The following INSYN2B variants were observed in gnomAD, a reference collection of about 807,000 sequenced individuals.
INSYN2B encodes protein INSYN2B.
INSYN2B carries 16 observed loss-of-function variants against 41.2 expected under a neutral mutation model. That is an observed-to-expected ratio of 0.39 (90% confidence interval 0.26 to 0.59). The LOEUF (loss-of-function observed/expected upper bound fraction) is 0.59, where lower values mean the gene tolerates loss of function less well. Among genes scored for constraint, INSYN2B ranks in the 20% least tolerant of loss-of-function variants. The pLI, the probability that INSYN2B is intolerant of heterozygous loss-of-function variation, is 0.57. For synonymous variants in INSYN2B, 245 were observed against 244.4 expected, an observed-to-expected ratio of 1.00 and a Z score of -0.02; for missense variants, 608 against 646.4, an observed-to-expected ratio of 0.94 and a Z score of 0.64.
At chr5:169,962,799 G>A (rs1777144530) in intron 1 of INSYN2B, among the ~76,000 whole-genome samples, 1 of 152,204 alleles carries the variant, frequency 6.6e-6, no homozygotes, top group Non-Finnish European at 1.5e-5. Context: ...GATGGCAAGT[G>A]TCAAGGTAGA....
intron 1 of INSYN2B, among the ~76,000 whole-genome samples, chr5:169,940,591 G>A (rs919782330): frequency 1.3e-5 from 2 of 152,238 alleles, no homozygotes; most frequent in East Asian, 3.8e-4. Context: ...CTCTGAGGGT[G>A]ATGGGAAACA....
chr5:169,911,030 C>T (rs1248131491), intron 1 of INSYN2B, among the ~76,000 whole-genome samples: 1 of 152,174 alleles, frequency 6.6e-6, no homozygotes, highest in Non-Finnish European at 1.5e-5. Context: ...AGCATTTCTA[C>T]CTTTGCTGAT....
chr5:169,932,241 T>C (rs985853524), intron 1 of INSYN2B, among the ~76,000 whole-genome samples: 1 of 152,154 alleles, frequency 6.6e-6, no homozygotes, highest in Non-Finnish European at 1.5e-5. Flanking sequence ...GTCCCTGAGT[T>C]TACAGAGCCC....
rs1468724987 is a variant in INSYN2B, at chr5:169,978,380, T to C, written c.-919+1897A>G. On this transcript the variant is annotated intron_variant, in intron 1 of 3. Coordinates refer to ENST00000377365, the MANE Select transcript of INSYN2B (RefSeq NM_001129891.3). The stretch of plus-strand genomic sequence containing the variant: ...CAGGGGTCCTGGCTCTGTGTATGTG[T>C]GTGTGTGTGTGTGGGGGGGGGGGGG... Among the ~76,000 whole-genome samples, 22 of 18,878 alleles carry C rather than the reference T, an allele frequency of 1.2e-3. No homozygotes were observed. The South Asian group carries it at 0.013, about 11-fold the overall frequency. 12.4% of individuals were successfully genotyped at this position (18,878 alleles called of 152,430 possible). A position where few individuals can be genotyped will look rare whatever the true frequency, so the allele number is the denominator to read the frequency against.
chr5:169,931,191 G>A (rs1462109847), intron 1 of INSYN2B, among the ~76,000 whole-genome samples: 1 of 152,206 alleles, frequency 6.6e-6, no homozygotes, highest in Admixed American at 6.5e-5. Flanking sequence ...CCTTCCTACA[G>A]AGCCCAGCTC....
At chr5:169,914,565 T>C (rs1049783013) in intron 1 of INSYN2B, among the ~76,000 whole-genome samples, 9 of 152,356 alleles carry the variant, frequency 5.9e-5, no homozygotes, top group South Asian at 2.1e-4. Context: ...GAAATGGTTA[T>C]ATCTAATCTG....
intron 1 of INSYN2B, among the ~76,000 whole-genome samples, chr5:169,963,543 T>C (rs1670889019): frequency 6.6e-6 from 1 of 152,124 alleles, no homozygotes. Flanking sequence ...CTTTGCTGGT[T>C]TGGTAGTGCT....
At chr5:169,898,869 G>A (rs1205149129) in intron 1 of INSYN2B, among the ~76,000 whole-genome samples, 1 of 152,198 alleles carries the variant, frequency 6.6e-6, no homozygotes, top group African/African-American at 2.4e-5. Flanking sequence ...GTTGTGTAAA[G>A]CAGCAAGTCA....
intron 1 of INSYN2B, among the ~76,000 whole-genome samples, chr5:169,911,692 C>T (rs1774607949): frequency 6.6e-6 from 1 of 152,170 alleles, no homozygotes; most frequent in African/African-American, 2.4e-5. Context: ...CTATAATTAG[C>T]CAAGAAGTTG....
intron 1 of INSYN2B, among the ~76,000 whole-genome samples, chr5:169,965,585 G>A (rs189415877): frequency 3.5e-4 from 53 of 152,278 alleles, no homozygotes; most frequent in African/African-American, 1.1e-3. Flanking sequence ...CCCAGGGAGC[G>A]TTAAACATCC....
chr5:169,932,261 G>A (rs1221602482), intron 1 of INSYN2B, among the ~76,000 whole-genome samples: 1 of 152,190 alleles, frequency 6.6e-6, no homozygotes, highest in Non-Finnish European at 1.5e-5. Flanking sequence ...CTGTTATGAG[G>A]AAGGAGCACT....
intron 1 of INSYN2B, among the ~76,000 whole-genome samples, chr5:169,953,584 C>T (rs1167516495): frequency 6.6e-6 from 1 of 152,094 alleles, no homozygotes; most frequent in Non-Finnish European, 1.5e-5. Context: ...TTATTAATAG[C>T]ATTAGACGAG....
intron 1 of INSYN2B, among the ~76,000 whole-genome samples, chr5:169,946,721 G>C (rs1776465580): frequency 6.6e-6 from 1 of 152,168 alleles, no homozygotes. Context: ...AAACCTAATA[G>C]AAAAATAATT....
chr5:169,924,092 G>T (rs1039244022), intron 1 of INSYN2B, among the ~76,000 whole-genome samples: 2 of 152,124 alleles, frequency 1.3e-5, no homozygotes, highest in Non-Finnish European at 2.9e-5. Context: ...TCCCTGCCCT[G>T]CTGTGCCCCC....
At chr5:169,956,702 C>T (rs1776881465) in intron 1 of INSYN2B, among the ~76,000 whole-genome samples, 1 of 152,166 alleles carries the variant, frequency 6.6e-6, no homozygotes, top group Non-Finnish European at 1.5e-5. Flanking sequence ...TTAAATTCAC[C>T]TGTTTATAAA....
At chr5:169,878,562 T>C (rs1772458251) in intron 3 of INSYN2B, among the ~76,000 whole-genome samples, 1 of 152,240 alleles carries the variant, frequency 6.6e-6, no homozygotes, top group African/African-American at 2.4e-5. Flanking sequence ...AGAAATGTGA[T>C]AAGCCAGCAT....
At chr5:169,971,188 C>CA (rs34023676) in intron 1 of INSYN2B, among the ~76,000 whole-genome samples, 4,244 of 143,848 alleles carry the variant, frequency 0.03, 82 homozygotes, top group African/African-American at 0.052. Context: ...GAAAGAAAGG[C>CA]AAAAAAAAAA....
chr5:169,883,489 T>C lies in INSYN2B; in HGVS notation c.410A>G (p.Asn137Ser), dbSNP rs1772788507. The C allele has an allele frequency of 6.4e-7, 1 of 1,551,618 alleles. No homozygotes were observed. Among genetic ancestry groups the C allele is most frequent in the East Asian group, 2.4e-5 (1 of 40,916 alleles). The change falls in exon 2 of 4, where the codon AAC becomes AGC. Residue 137 changes from asparagine (N) to serine (S), a missense_variant. Asn to Ser is a conservative substitution (Grantham distance 46). Coordinates refer to ENST00000377365, the MANE Select transcript of INSYN2B (RefSeq NM_001129891.3). Reference sequence around the variant, plus strand: ...AGACACAATGTCCTGTTCAGAGAGGTTACCGTTGACCTGGATGGCACTTTG... The same window carrying C: ...AGACACAATGTCCTGTTCAGAGAGGCTACCGTTGACCTGGATGGCACTTTG... ...ASQSAIQVNG[N>S]LSEQDIVSSD... is the part of the protein sequence containing the mutation.
rs1467956730 is a variant in INSYN2B, at chr5:169,885,020, C to T, written c.-918-204G>A. 2.0e-5 allele frequency among the ~76,000 whole-genome samples: 3 copies of T among 152,206 alleles called. No individual in the cohort carries two copies. In the East Asian group the frequency reaches 5.8e-4, roughly 29 times the overall value. On this transcript the variant is annotated intron_variant, in intron 1 of 3. Coordinates refer to ENST00000377365, the MANE Select transcript of INSYN2B (RefSeq NM_001129891.3). ...GGAACAAAATGCCTGTCTGCCTGGA[C>T]CCTTTTCTCTCTCCATTTCTGCACA...
Sources: allele counts gnomAD v4.1 joint callset (sites outside exome capture counted in the v4.1 genomes callset), GRCh38; gene constraint gnomAD v4.1.1; transcripts MANE v1.5; gene names NCBI Gene and HGNC (gene_info 2026-07-23, HGNC 2026-07-21).